Variants in VAV2 observed in about 807,000 individuals in gnomAD.
VAV2 encodes the protein vav guanine nucleotide exchange factor 2.
In VAV2, 67 loss-of-function variants were observed where a neutral mutation model predicts 132.5. That is an observed-to-expected ratio of 0.51 (90% CI 0.42 to 0.62). The LOEUF (loss-of-function observed/expected upper bound fraction) is 0.62. VAV2 is among the 20% of genes least tolerant of loss of function. The pLI is 0.00. For synonymous variants in VAV2, 492 were observed against 443.5 expected, an observed-to-expected ratio of 1.11 and a Z score of -1.37; for missense variants, 938 against 1,153.6, an observed-to-expected ratio of 0.81 and a Z score of 2.71.
chr9:133,952,856 G>C (rs1170931287), intron 1 of VAV2, among the ~76,000 whole-genome samples: 1 of 117,564 alleles, frequency 8.5e-6, no homozygotes, highest in Non-Finnish European at 1.8e-5. Context: ...AACCTGGAGG[G>C]AGCATGGCCC....
intron 9 of VAV2, 96 bp from the exon 10 acceptor site, chr9:133,797,905 G>T (rs1037157782): frequency 4.4e-6 from 5 of 1,142,708 alleles, no homozygotes; most frequent in Non-Finnish European, 6.2e-6. Flanking sequence ...GGCTGTAGGT[G>T]CGCAACCAAC....
intron 9 of VAV2, among the ~76,000 whole-genome samples, chr9:133,805,428 G>A (rs906109302): frequency 1.3e-5 from 2 of 152,142 alleles, no homozygotes; most frequent in Admixed American, 6.5e-5. Flanking sequence ...GGGCTCTCTC[G>A]AGACTTCCGT....
chr9:133,822,436 C>G (rs368699311), intron 4 of VAV2, among the ~76,000 whole-genome samples: 1 of 152,086 alleles, frequency 6.6e-6, no homozygotes, highest in East Asian at 1.9e-4. Context: ...CTGAAGAAGC[C>G]GGCTGGGAAC....
At chr9:133,898,556 T>C (rs1044258740) in intron 2 of VAV2, among the ~76,000 whole-genome samples, 12 of 152,056 alleles carry the variant, frequency 7.9e-5, no homozygotes, top group Non-Finnish European at 1.5e-4. Flanking sequence ...ATCGTGCCAC[T>C]GTACTCCAGC....
chr9:133,901,991 C>T (rs980110928), intron 2 of VAV2, among the ~76,000 whole-genome samples: 3 of 152,156 alleles, frequency 2.0e-5, no homozygotes, highest in Non-Finnish European at 4.4e-5. Context: ...GTGGTCTGCA[C>T]GTCAGGAGAC....
intron 1 of VAV2, among the ~76,000 whole-genome samples, chr9:133,959,920 G>A (rs1025821026): frequency 2.6e-5 from 4 of 152,180 alleles, no homozygotes; most frequent in African/African-American, 9.7e-5. Flanking sequence ...CTGAGAATTC[G>A]GACCTCTGGC....
intron 2 of VAV2, 40 bp downstream of exon 2, chr9:133,939,063 C>A: frequency 6.3e-7 from 1 of 1,594,832 alleles, no homozygotes; most frequent in Non-Finnish European, 8.6e-7. Flanking sequence ...AATCGGCCAC[C>A]ACAGCTGAGC....
chr9:133,926,892 T>A lies in VAV2; in HGVS notation c.321+12211A>T, dbSNP rs1455713049. 6.6e-6 allele frequency among the ~76,000 whole-genome samples: 1 copy of A among 152,170 alleles called. No homozygotes were observed. The highest frequency in any genetic ancestry group is 1.5e-5 in the Non-Finnish European group (1 of 68,014). On this transcript the variant is annotated intron_variant, in intron 2 of 29. Transcript: ENST00000371850. This position sits in a 1 kb window ranked among gnomAD's most constrained non-coding sequence, Gnocchi z 4.3. ...CACCCTCCTGGCAACAGCCCCACTG[T>A]GGAGGGATGGGGAGGCCCAGCACCA...
At chr9:133,783,613 G>T in intron 18 of VAV2, 22 bp from the exon 19 acceptor site, 3 of 1,612,894 alleles carry the variant, frequency 1.9e-6, no homozygotes, top group South Asian at 1.1e-5. Context: ...AGGGCAGGAG[G>T]TGAGGTCGAG....
chr9:133,840,228 C>G lies in VAV2; in HGVS notation c.381-5888G>C, dbSNP rs950800199. ...GAGCCTTCCTGAGCATGCATTTCCT[C>G]GTGCCCGGCTTCGGGAAGCAGAGTT... On this transcript the variant is annotated intron_variant, in intron 3 of 29. Transcript: ENST00000371850. This position sits in a 1 kb window ranked among gnomAD's most constrained non-coding sequence, Gnocchi z 4.5. Among the ~76,000 whole-genome samples, 1 of 152,206 alleles carries G rather than the reference C, an allele frequency of 6.6e-6. No individual in the cohort carries two copies. Among genetic ancestry groups the G allele is most frequent in the Non-Finnish European group, 1.5e-5 (1 of 68,028 alleles).
At chr9:133,776,303 T>C (rs193110400) in intron 23 of VAV2, among the ~76,000 whole-genome samples, 163 of 152,338 alleles carry the variant, frequency 1.1e-3, no homozygotes, top group African/African-American at 3.6e-3. Context: ...ATGGAACAGA[T>C]GTCGGCATAG....
chr9:133,966,139 G>A (rs944209376), intron 1 of VAV2, among the ~76,000 whole-genome samples: 1 of 152,128 alleles, frequency 6.6e-6, no homozygotes, highest in Non-Finnish European at 1.5e-5. Flanking sequence ...AATCAAATGG[G>A]ATTAAAGACT....
At chr9:133,829,948 A>G (rs1313150132) in intron 4 of VAV2, among the ~76,000 whole-genome samples, 2 of 152,142 alleles carry the variant, frequency 1.3e-5, no homozygotes, top group East Asian at 3.9e-4. Context: ...TCTTCATCTT[A>G]ATATGTTTCC....
rs1370126288 is a variant in VAV2, at chr9:133,827,200, A to AGCACGG, written c.449+7071_449+7072insCCGTGC. Among the ~76,000 whole-genome samples, 16 of 148,140 alleles carry AGCACGG rather than the reference A, an allele frequency of 1.1e-4. 2 individuals carry two copies. Among genetic ancestry groups the AGCACGG allele is most frequent in the Admixed American group, 4.0e-4 (6 of 14,860 alleles). ...CTGCGCCCACTGGGGCTGACCACTG[A>AGCACGG]GCATGGGCATCGCCAGCTACTGCTG... On this transcript the variant is annotated intron_variant, in intron 4 of 29. Coordinates refer to ENST00000371850, the MANE Select transcript of VAV2 (RefSeq NM_001134398.2).
At chr9:133,990,980 G>T (rs1842997049) in intron 1 of VAV2, among the ~76,000 whole-genome samples, 1 of 152,206 alleles carries the variant, frequency 6.6e-6, no homozygotes, top group South Asian at 2.1e-4. Context: ...AGGAAACGCA[G>T]TCACCGCCAA....
At chr9:133,880,611 T>C (rs747721762) in intron 2 of VAV2, among the ~76,000 whole-genome samples, 1 of 152,164 alleles carries the variant, frequency 6.6e-6, no homozygotes, top group Non-Finnish European at 1.5e-5. Context: ...CAGTCCCTGA[T>C]GGGTCTTGGG....
chr9:133,764,118 G>T lies in VAV2; in HGVS notation c.2590-9C>A. 1 of 1,609,332 alleles carries T rather than the reference G, an allele frequency of 6.2e-7. No homozygotes were observed. The highest frequency in any genetic ancestry group is 8.5e-7 in the Non-Finnish European group (1 of 1,178,124). ...GAAGGAAACCAGCCAATCTGAAAAA[G>T]ATGGTAAGATCGTGTCTGTGTGTGT... On this transcript the variant is annotated splice_polypyrimidine_tract_variant and intron_variant, in intron 29 of 29. Transcript: ENST00000371850.
At chr9:133,911,957 G>T (rs1276349626) in intron 2 of VAV2, among the ~76,000 whole-genome samples, 1 of 152,178 alleles carries the variant, frequency 6.6e-6, no homozygotes, top group Non-Finnish European at 1.5e-5. Context: ...AAGTTCAGGG[G>T]TACACGTGCA....
chr9:133,950,217 C>T (rs2132176095), intron 1 of VAV2, among the ~76,000 whole-genome samples: 1 of 152,358 alleles, frequency 6.6e-6, no homozygotes, highest in African/African-American at 2.4e-5. Context: ...ACGGTCAAGT[C>T]CTTCCTCAGC....
Sources: allele counts gnomAD v4.1 joint callset (sites outside exome capture counted in the v4.1 genomes callset), GRCh38; gene constraint gnomAD v4.1.1; non-coding constraint Gnocchi (gnomAD v3.1); transcripts MANE v1.5; gene names NCBI Gene and HGNC (gene_info 2026-07-23, HGNC 2026-07-21).